The following SBF2 variants were observed in gnomAD, a reference collection of about 807,000 sequenced individuals.
SBF2 encodes the protein SET binding factor 2.
In SBF2, 112 loss-of-function variants were observed where a neutral mutation model predicts 225.2. That is an observed-to-expected ratio of 0.50 (90% confidence interval 0.43 to 0.58). The LOEUF is 0.58. SBF2 is among the 20% of genes least tolerant of loss of function. The pLI is 0.00. For synonymous variants in SBF2, 763 were observed against 773.3 expected, an observed-to-expected ratio of 0.99 and a Z score of 0.22; for missense variants, 1,996 against 2,206.2, an observed-to-expected ratio of 0.90 and a Z score of 1.91.
At chr11:10,207,839 T>TA in intron 1 of SBF2, among the ~76,000 whole-genome samples, 1 of 152,132 alleles carries the variant, frequency 6.6e-6, no homozygotes, top group Admixed American at 6.5e-5. Flanking sequence ...CACAAGCACT[T>TA]ATTTAACTAC....
chr11:9,980,735 C>T (rs934791399), intron 13 of SBF2, among the ~76,000 whole-genome samples: 13 of 152,046 alleles, frequency 8.6e-5, no homozygotes, highest in Admixed American at 4.6e-4. Context: ...CCTGACACCG[C>T]GCCCGGCTAA....
chr11:10,053,336 G>A (rs1176315278), intron 2 of SBF2, among the ~76,000 whole-genome samples: 2 of 152,068 alleles, frequency 1.3e-5, no homozygotes, highest in African/African-American at 4.8e-5. Context: ...CACAAGTTGA[G>A]CACAAAAATG....
At chr11:9,785,437 G>T in intron 36 of SBF2, 119 bp from the exon 37 acceptor site, 1 of 806,440 alleles carries the variant, frequency 1.2e-6, no homozygotes, top group Non-Finnish European at 2.1e-6. Context: ...CAACAATAAT[G>T]TACAAAGGTA....
At chr11:10,104,012 G>A (rs1408187324) in intron 2 of SBF2, among the ~76,000 whole-genome samples, 1 of 151,916 alleles carries the variant, frequency 6.6e-6, no homozygotes, top group East Asian at 1.9e-4. Flanking sequence ...GTGCCCAGGA[G>A]GTGGAGGTTG....
intron 16 of SBF2, among the ~76,000 whole-genome samples, chr11:9,940,592 T>C (rs915756584): frequency 2.3e-4 from 35 of 152,188 alleles, no homozygotes; most frequent in African/African-American, 8.4e-4. Flanking sequence ...TTTAAGTGTA[T>C]ATTTTTTCCC....
intron 33 of SBF2, among the ~76,000 whole-genome samples, chr11:9,792,303 C>A (rs960029008): frequency 4.6e-5 from 7 of 151,824 alleles, no homozygotes; most frequent in African/African-American, 1.7e-4. Context: ...TGGTGGCGGG[C>A]ACCTGTAATC....
intron 12 of SBF2, among the ~76,000 whole-genome samples, chr11:9,991,154 G>A (rs1233182941): frequency 6.6e-6 from 1 of 152,142 alleles, no homozygotes; most frequent in Non-Finnish European, 1.5e-5. Flanking sequence ...AGAATCTAAA[G>A]GCTGATATGT....
chr11:9,967,947 G>GTCTGTCTGTCTGTC (rs57976016), intron 14 of SBF2, among the ~76,000 whole-genome samples: 9 of 100,252 alleles, frequency 9.0e-5, no homozygotes, highest in South Asian at 6.9e-4. Context: ...CTGTCTGTCT[G>GTCTGTCTGTCTGTC]TCTCTCTCTC....
At chr11:10,257,571 G>T (rs1190733978) in intron 1 of SBF2, among the ~76,000 whole-genome samples, 1 of 147,054 alleles carries the variant, frequency 6.8e-6, no homozygotes, top group African/African-American at 2.5e-5. Flanking sequence ...AGGCTAAGGT[G>T]AGAAGATCAC....
intron 36 of SBF2, 86 bp from the exon 37 acceptor site, chr11:9,785,404 A>C: frequency 2.6e-6 from 3 of 1,146,436 alleles, no homozygotes; most frequent in Middle Eastern, 2.0e-4. Flanking sequence ...TATTTATCTC[A>C]AGGAAAAAAC....
chr11:9,830,301 A>T (rs1855309724), intron 27 of SBF2, among the ~76,000 whole-genome samples: 1 of 152,230 alleles, frequency 6.6e-6, no homozygotes, highest in Admixed American at 6.5e-5. Context: ...TATTTTATCA[A>T]CTTTAATATG....
At chr11:10,249,850 A>G (rs980546410) in intron 1 of SBF2, among the ~76,000 whole-genome samples, 1 of 136,784 alleles carries the variant, frequency 7.3e-6, no homozygotes, top group Non-Finnish European at 1.6e-5. Flanking sequence ...GCTATGGGGG[A>G]GTCCATAGCA....
intron 2 of SBF2, among the ~76,000 whole-genome samples, chr11:10,176,103 C>T (rs1397042856): frequency 2.5e-5 from 3 of 118,102 alleles, no homozygotes; most frequent in Non-Finnish European, 3.8e-5. Flanking sequence ...GGGTGCATAA[C>T]GAAATGAAGG....
intron 7 of SBF2, among the ~76,000 whole-genome samples, chr11:10,001,229 T>A (rs889304180): frequency 1.3e-5 from 2 of 152,186 alleles, no homozygotes; most frequent in African/African-American, 4.8e-5. Context: ...ATAAAATAAA[T>A]GGAATCCAAG....
At chr11:9,899,601 A>G (rs79472192) in intron 16 of SBF2, among the ~76,000 whole-genome samples, 79 of 152,164 alleles carry the variant, frequency 5.2e-4, no homozygotes, top group African/African-American at 1.9e-3. Context: ...ATTTTATCCA[A>G]TCCTTTGATT....
intron 1 of SBF2, among the ~76,000 whole-genome samples, chr11:10,260,739 G>A (rs1961347668): frequency 6.6e-6 from 1 of 151,354 alleles, no homozygotes; most frequent in Non-Finnish European, 1.5e-5. Context: ...AAATTAGATG[G>A]GCGAGGTGGT....
chr11:9,942,903 GAAAGAA>G (rs199529319), intron 16 of SBF2, among the ~76,000 whole-genome samples: 18,503 of 139,744 alleles, frequency 0.13, 1,307 homozygotes, highest in East Asian at 0.18. Flanking sequence ...GAGAGAGAGA[GAAAGAA>G]AGAAAGAAAG....
chr11:10,170,460 T>G, intron 2 of SBF2, among the ~76,000 whole-genome samples: 1 of 152,270 alleles, frequency 6.6e-6, no homozygotes, highest in Non-Finnish European at 1.5e-5. Flanking sequence ...TGTCTCTGGA[T>G]TCTCTATTCT....
chr11:9,992,930 G>A (rs1309858087), intron 11 of SBF2, 60 bp downstream of exon 11: 16 of 1,222,576 alleles, frequency 1.3e-5, no homozygotes, highest in Non-Finnish European at 1.6e-5. Flanking sequence ...AAAAAACCAA[G>A]TAGTTTTATT....
Sources: gnomAD v4.1 joint callset for allele counts (sites outside exome capture counted in the v4.1 genomes callset) on GRCh38, gnomAD v4.1.1 for gene constraint, MANE v1.5 for transcripts, NCBI Gene and HGNC (gene_info 2026-07-23, HGNC 2026-07-21) for gene names.